The following MPHOSPH9 variants were observed in gnomAD, a reference collection of about 807,000 sequenced individuals.
The protein encoded by MPHOSPH9 is M-phase phosphoprotein 9.
A neutral mutation model predicts 145.5 loss-of-function variants in MPHOSPH9; 88 were observed. The ratio of observed to expected loss-of-function variants is 0.60; its 90% confidence interval spans 0.51 to 0.72. The LOEUF (loss-of-function observed/expected upper bound fraction) is 0.72. Ranked by LOEUF, MPHOSPH9 falls within the 30% of genes least tolerant of loss-of-function variation. MPHOSPH9 has a pLI of 0.00. For missense variants in MPHOSPH9, 1,238 were observed against 1,386.6 expected (o/e 0.89, Z 1.70); for synonymous variants, 435 against 486.2 (o/e 0.89, Z 1.39).
chr12:123,192,810 G>GA (rs960476790), intron 13 of MPHOSPH9, among the ~76,000 whole-genome samples: 1 of 151,344 alleles, frequency 6.6e-6, no homozygotes. Flanking sequence ...ATTACTAAAA[G>GA]AAAAAAATAC....
intron 8 of MPHOSPH9, among the ~76,000 whole-genome samples, chr12:123,207,350 C>A (rs2046480451): frequency 6.6e-6 from 1 of 151,686 alleles, no homozygotes; most frequent in Non-Finnish European, 1.5e-5. Context: ...ACAATCTTAC[C>A]CCCCTCATAC....
chr12:123,205,758 GTTC>G (rs1317648665), intron 8 of MPHOSPH9, among the ~76,000 whole-genome samples: 2 of 152,148 alleles, frequency 1.3e-5, no homozygotes, highest in African/African-American at 4.8e-5. Context: ...CCACTTTTAT[GTTC>G]TTGTCATGTT....
At chr12:123,161,508 G>A in intron 21 of MPHOSPH9, 125 bp from the exon 22 acceptor site, 7 of 951,816 alleles carry the variant, frequency 7.4e-6, no homozygotes, top group Non-Finnish European at 1.1e-5. Flanking sequence ...AAAAAGTAAT[G>A]AAAAGAGATA....
rs1035238954 is a variant in MPHOSPH9 at position 123,161,137 on chromosome 12, T to C, written c.3380A>G (p.Gln1127Arg). ...TTAAAAATATTTGTTTGTTTTTACC[T>C]GGTCCTTTTCTTTTGTAAGTTCATC... The part of the protein sequence containing the change: ...FFDELTKEKD[Q>R]IEAALSRMPS... The change falls in exon 22 of 24, where the codon CAG (glutamine) becomes CGG (arginine). Residue 1127 changes from glutamine (Q) to arginine (R), a missense_variant and splice_region_variant. By Grantham distance (43) the Gln-to-Arg change is conservative. Around this residue, in one of 3 missense-constraint regions of MPHOSPH9, gnomAD observed 393 missense variants for 462.5 expected, o/e 0.85. Coordinates refer to ENST00000606320, the MANE Select transcript of MPHOSPH9 (RefSeq NM_022782.4). 6.2e-7 allele frequency: 1 copy of C among 1,613,514 alleles called. No individual in the cohort carries two copies. Among genetic ancestry groups the C allele is most frequent in the Non-Finnish European group, 8.5e-7 (1 of 1,179,858 alleles).
At position 123,223,126 on chromosome 12, in the gene MPHOSPH9, G is replaced by T; in HGVS notation, c.260C>A (p.Thr87Asn). ...TDSELWKNCE[T>N]RWLQLFNLVE... ...CAAATTGAATAGCTGTAACCACCTGGTCTATTAAATTATAAAATATTTTAG... is the reference window on the plus strand; with the variant it reads ...CAAATTGAATAGCTGTAACCACCTGTTCTATTAAATTATAAAATATTTTAG... Residue 87 changes from threonine (T) to asparagine (N), a missense_variant and splice_region_variant, in exon 4 of 24, where the codon ACC becomes AAC. Around this residue, in one of 3 missense-constraint regions of MPHOSPH9, gnomAD observed 837 missense variants for 897.5 expected, o/e 0.93. Coordinates refer to ENST00000606320, the MANE Select transcript of MPHOSPH9 (RefSeq NM_022782.4). The T allele has an allele frequency of 7.2e-7, 1 of 1,387,246 alleles. No homozygotes were observed. The allele number at this position is 1,387,246 out of a possible 1,614,324, so 85.9% of individuals were successfully genotyped here. A position where few individuals can be genotyped will look rare whatever the true frequency, so the allele number is the denominator to read the frequency against.
chr12:123,171,093 T>C (rs2044556780), intron 16 of MPHOSPH9, among the ~76,000 whole-genome samples: 1 of 152,220 alleles, frequency 6.6e-6, no homozygotes. Flanking sequence ...TCTTATTGAT[T>C]TGTAAGAGTT....
intron 11 of MPHOSPH9, among the ~76,000 whole-genome samples, chr12:123,199,760 T>A (rs2046134336): frequency 6.9e-6 from 1 of 144,900 alleles, no homozygotes; most frequent in South Asian, 2.2e-4. Context: ...ACCACTGTAC[T>A]CCAGCCTAGG....
At chr12:123,170,293 C>T (rs553550608) in intron 16 of MPHOSPH9, among the ~76,000 whole-genome samples, 49 of 152,246 alleles carry the variant, frequency 3.2e-4, no homozygotes, top group Admixed American at 1.6e-3. Flanking sequence ...CAGCTGCGTG[C>T]CACCACATCT....
chr12:123,176,887 TG>T (rs2044893481), intron 15 of MPHOSPH9, 98 bp from the exon 16 acceptor site: 1 of 944,454 alleles, frequency 1.1e-6, no homozygotes, highest in African/African-American at 1.6e-5. Flanking sequence ...AAAAAATGGG[TG>T]GTAAAAGAGT....
intron 15 of MPHOSPH9, 67 bp downstream of exon 15, chr12:123,179,859 A>T (rs1244135541): frequency 1.2e-6 from 1 of 828,090 alleles, no homozygotes; most frequent in Non-Finnish European, 1.8e-6. Context: ...CCTTCTCATC[A>T]TGTTCAATAC....
rs1017106305 is a variant in MPHOSPH9, at chr12:123,170,945, G to A, written c.2457-4156C>T. The stretch of plus-strand genomic sequence containing the variant: ...TTTCAATTTTAAATATAACCTGTCC[G>A]ATGGTGTGAATTGTATCTTATTGTT... On this transcript the variant is annotated intron_variant, in intron 16 of 23. Transcript: ENST00000606320. 3.3e-5 allele frequency among the ~76,000 whole-genome samples: 5 copies of A among 152,168 alleles called. No homozygotes were observed. In the South Asian group the frequency reaches 6.2e-4, roughly 19 times the overall value.
At chr12:123,230,077 C>T (rs1326680587) in intron 2 of MPHOSPH9, 184 bp downstream of exon 2, 2 of 427,834 alleles carry the variant, frequency 4.7e-6, no homozygotes, top group African/African-American at 4.2e-5. Flanking sequence ...CCGCCTCAGC[C>T]TACCAAGGTG....
At chr12:123,174,833 G>C (rs2682428) in intron 16 of MPHOSPH9, among the ~76,000 whole-genome samples, 10,537 of 152,160 alleles carry the variant, frequency 0.069, 981 homozygotes, top group African/African-American at 0.21. Context: ...CATGAACTAG[G>C]TACCTTTAGT....
intron 6 of MPHOSPH9, among the ~76,000 whole-genome samples, chr12:123,218,044 C>CA (rs34652752): frequency 0.26 from 29,469 of 113,606 alleles, 4,295 homozygotes; most frequent in Non-Finnish European, 0.37. Flanking sequence ...GACTCCATCT[C>CA]AAAAAAAAAA....
At position 123,194,380 on chromosome 12, in the gene MPHOSPH9, A is replaced by C; in HGVS notation, c.2241+6T>G. ...CGTCATTAAGTTACTATTATTCGCT[A>C]CTTACATCTTGAAACATTTTGTTCT... On this transcript the variant is annotated splice_donor_region_variant and intron_variant, in intron 13 of 23. Coordinates refer to ENST00000606320, the MANE Select transcript of MPHOSPH9 (RefSeq NM_022782.4). 6.4e-7 allele frequency: 1 copy of C among 1,557,054 alleles called. No homozygotes were observed. Among genetic ancestry groups the C allele is most frequent in the Non-Finnish European group, 8.8e-7 (1 of 1,142,546 alleles).
intron 15 of MPHOSPH9, among the ~76,000 whole-genome samples, chr12:123,178,127 A>G (rs78538199): frequency 0.051 from 7,778 of 151,660 alleles, 335 homozygotes; most frequent in East Asian, 0.27. Flanking sequence ...CTGCAGCCTC[A>G]AACCCCTGTG....
At chr12:123,233,405 TAGATA>T (rs1249739472), upstream of MPHOSPH9, 1 of 152,234 alleles carries the variant, frequency 6.6e-6, no homozygotes, top group African/African-American at 2.4e-5. Context: ...GAGCCTCTGG[TAGATA>T]AGAGAAACCG....
chr12:123,186,538 A>G (rs1402746627), intron 13 of MPHOSPH9, among the ~76,000 whole-genome samples: 1 of 152,208 alleles, frequency 6.6e-6, no homozygotes, highest in African/African-American at 2.4e-5. Context: ...GTCATAGGCA[A>G]TAAAACAAAG....
chr12:123,225,453 A>G (rs1361590770), intron 3 of MPHOSPH9, among the ~76,000 whole-genome samples: 1 of 148,794 alleles, frequency 6.7e-6, no homozygotes, highest in Non-Finnish European at 1.5e-5. Context: ...CAAAAAAAAA[A>G]AAAAAAAGAA....
Sources: allele counts gnomAD v4.1 joint callset (sites outside exome capture counted in the v4.1 genomes callset), GRCh38; gene constraint gnomAD v4.1.1; regional missense constraint gnomAD v4.1.1; transcripts MANE v1.5; gene names NCBI Gene and HGNC (gene_info 2026-07-23, HGNC 2026-07-21).